ABHD18: variants seen among roughly 807,000 people sequenced by gnomAD.
ABHD18 encodes the protein cardiolipin-specific deacylase, mitochondrial.
In ABHD18, 55 loss-of-function variants were observed where a neutral mutation model predicts 65.9. The ratio of observed to expected loss-of-function variants is 0.84; its 90% confidence interval spans 0.67 to 1.05. The LOEUF is 1.05. ABHD18 is among the 50% of genes least tolerant of loss of function. The probability of loss-of-function intolerance (pLI) is 0.00; values close to 1 mark genes in which losing one functional copy is unlikely to be tolerated. For synonymous variants in ABHD18, 181 were observed against 180.2 expected (o/e 1.00, Z -0.04); for missense variants, 533 against 558.5 (o/e 0.95, Z 0.46).
At chr4:128,026,469 A>AC (rs1409102475) in intron 10 of ABHD18, among the ~76,000 whole-genome samples, 1 of 152,056 alleles carries the variant, frequency 6.6e-6, no homozygotes, top group Non-Finnish European at 1.5e-5. Context: ...AAAAAAAAAA[A>AC]AAAAAGAGCA....
chr4:128,023,980 G>A (rs1756962577), intron 10 of ABHD18, among the ~76,000 whole-genome samples: 1 of 152,228 alleles, frequency 6.6e-6, no homozygotes, highest in South Asian at 2.1e-4. Context: ...TTACATGTAT[G>A]TTTTAAAGGA....
At chr4:127,975,101 A>G (rs1412028199) in intron 1 of ABHD18, among the ~76,000 whole-genome samples, 2 of 151,516 alleles carry the variant, frequency 1.3e-5, no homozygotes, top group Non-Finnish European at 2.9e-5. Flanking sequence ...TTATTTGGAG[A>G]CTCAACCCCA....
In ABHD18 at chr4:128,031,188, C is replaced by T; in HGVS notation, c.1343+516C>T. 4 of 973,266 alleles carry T rather than the reference C, an allele frequency of 4.1e-6. 1 individual carries two copies. The South Asian group carries it at 1.4e-4, about 35-fold the overall frequency. The allele number at this position is 973,266 out of a possible 1,614,324, so 60.3% of individuals were successfully genotyped here. A position where few individuals can be genotyped will look rare whatever the true frequency, so the allele number is the denominator to read the frequency against. On this transcript the variant is annotated intron_variant, in intron 12 of 12. Transcript: ENST00000645843. ...CTTTTATGCTGGCTGGGCGCGGTGG[C>T]TTACGCCTGTAATCCCAGCACTTTG...
intron 4 of ABHD18, among the ~76,000 whole-genome samples, chr4:127,995,036 C>T (rs554478530): frequency 2.0e-5 from 3 of 152,050 alleles, no homozygotes; most frequent in Non-Finnish European, 4.4e-5. Context: ...CATGTCACCA[C>T]GCCTGGCTAA....
At chr4:127,976,957 C>T (rs1015610734) in intron 1 of ABHD18, among the ~76,000 whole-genome samples, 4 of 151,924 alleles carry the variant, frequency 2.6e-5, no homozygotes, top group African/African-American at 7.3e-5. Flanking sequence ...AGGAGAATGG[C>T]GTGAACCCGG....
rs550242428 is a variant in ABHD18, at chr4:128,029,686, G to A, written c.1181-824G>A. Among the ~76,000 whole-genome samples, 481 of 152,148 alleles carry A rather than the reference G, an allele frequency of 3.2e-3. 5 individuals carry two copies. Among genetic ancestry groups the A allele is most frequent in the African/African-American group, 0.011 (440 of 41,516 alleles). On this transcript the variant is annotated intron_variant, in intron 11 of 12. Coordinates refer to ENST00000645843, the MANE Select transcript of ABHD18 (RefSeq NM_001358451.3). ...CAAAAATATAAAAAATTAGTTGGGC[G>A]TAATGGTGTGTGCCTGTAATCCCAG...
chr4:127,966,753 CG>C (rs1745600566), intron 1 of ABHD18, among the ~76,000 whole-genome samples: 1 of 124,924 alleles, frequency 8.0e-6, no homozygotes, highest in Non-Finnish European at 1.6e-5. Flanking sequence ...GGCGTGGTGG[CG>C]GGCGCCTATA....
intron 10 of ABHD18, among the ~76,000 whole-genome samples, chr4:128,025,192 CT>C (rs199523786): frequency 3.9e-5 from 6 of 152,074 alleles, no homozygotes; most frequent in Non-Finnish European, 7.4e-5. Context: ...AAAATATGAA[CT>C]TTTTTTATCT....
chr4:127,973,744 A>G (rs974828263), intron 1 of ABHD18, among the ~76,000 whole-genome samples: 2 of 147,390 alleles, frequency 1.4e-5, no homozygotes, highest in South Asian at 2.2e-4. Flanking sequence ...TGAACTTCCT[A>G]TGAAGAGAGC....
At chr4:128,027,448 C>A (rs1490994135) in intron 10 of ABHD18, among the ~76,000 whole-genome samples, 1 of 151,884 alleles carries the variant, frequency 6.6e-6, no homozygotes, top group Non-Finnish European at 1.5e-5. Flanking sequence ...CTCTGTCGCC[C>A]AGGCTGAAGT....
chr4:128,017,016 C>T (rs902894773), intron 7 of ABHD18, among the ~76,000 whole-genome samples: 3 of 151,938 alleles, frequency 2.0e-5, no homozygotes, highest in African/African-American at 7.2e-5. Flanking sequence ...CTCCCAGGTT[C>T]AAGCGATTTT....
At chr4:128,010,828 T>G (rs1000359186) in intron 6 of ABHD18, among the ~76,000 whole-genome samples, 1 of 141,696 alleles carries the variant, frequency 7.1e-6, no homozygotes, top group Non-Finnish European at 1.5e-5. Context: ...GGCAGGAGAA[T>G]CCCTTGAACC....
At chr4:127,992,719 T>G (rs1751126449) in intron 4 of ABHD18, among the ~76,000 whole-genome samples, 2 of 152,070 alleles carry the variant, frequency 1.3e-5, no homozygotes, top group South Asian at 4.1e-4. Flanking sequence ...TTTTTAGTTT[T>G]TTTTGTAGAG....
intron 4 of ABHD18, among the ~76,000 whole-genome samples, chr4:128,005,660 G>A (rs1753476324): frequency 6.6e-6 from 1 of 152,028 alleles, no homozygotes; most frequent in South Asian, 2.1e-4. Context: ...GCAGAGATAA[G>A]GTCTTGAACT....
intron 4 of ABHD18, among the ~76,000 whole-genome samples, chr4:128,000,967 T>C (rs1037994240): frequency 6.6e-6 from 1 of 152,210 alleles, no homozygotes; most frequent in African/African-American, 2.4e-5. Flanking sequence ...GAAATGTTAC[T>C]GAGTTTTATA....
intron 10 of ABHD18, among the ~76,000 whole-genome samples, chr4:128,026,598 G>T (rs1757404088): frequency 6.6e-6 from 1 of 151,896 alleles, no homozygotes; most frequent in South Asian, 2.1e-4. Flanking sequence ...TTTGCCATTT[G>T]TAATATGAGT....
chr4:128,023,961 A>G (rs1292361124), intron 10 of ABHD18, among the ~76,000 whole-genome samples: 1 of 152,264 alleles, frequency 6.6e-6, no homozygotes, highest in Non-Finnish European at 1.5e-5. Context: ...TTGAAAGTTT[A>G]TGAGAAACTT....
intron 7 of ABHD18, among the ~76,000 whole-genome samples, chr4:128,013,697 CAAA>C (rs779571090): frequency 8.9e-6 from 1 of 112,122 alleles, no homozygotes; most frequent in Non-Finnish European, 1.9e-5. Context: ...GACTCCGTCT[CAAA>C]AAAAAAAAAA....
chr4:128,001,260 G>T (rs1169942370), intron 4 of ABHD18, among the ~76,000 whole-genome samples: 1 of 152,138 alleles, frequency 6.6e-6, no homozygotes, highest in Non-Finnish European at 1.5e-5. Flanking sequence ...TCAGTATGGT[G>T]TTGGCTGTGG....
Sources: gnomAD v4.1 joint callset for allele counts (sites outside exome capture counted in the v4.1 genomes callset) on GRCh38, gnomAD v4.1.1 for gene constraint, MANE v1.5 for transcripts, NCBI Gene and HGNC (gene_info 2026-07-23, HGNC 2026-07-21) for gene names.